PCDHGB4: variants seen among roughly 807,000 people sequenced by gnomAD.
PCDHGB4 encodes the protein protocadherin gamma-B4.
In PCDHGB4, 38 loss-of-function variants were observed where a neutral mutation model predicts 60.5. The ratio of observed to expected loss-of-function variants is 0.63; its 90% CI spans 0.48 to 0.82. The LOEUF (loss-of-function observed/expected upper bound fraction) is 0.82. Among genes scored for constraint, PCDHGB4 ranks in the 40% least tolerant of loss-of-function variants. The pLI, the probability that PCDHGB4 is intolerant of heterozygous loss-of-function variation, is 0.00. For missense variants in PCDHGB4, 1,109 were observed against 1,209.6 expected, an observed-to-expected ratio of 0.92 and a Z score of 1.23; for synonymous variants, 456 against 509.7, an observed-to-expected ratio of 0.89 and a Z score of 1.42.
chr5:141,487,181 C>T lies in PCDHGB4; in HGVS notation c.2398-7626C>T. 3 of 1,612,732 alleles carry T rather than the reference C, an allele frequency of 1.9e-6. No individual in the cohort carries two copies. The highest frequency in any genetic ancestry group is 1.1e-5 in the South Asian group (1 of 91,060). ...CTTAGTGTCCTTAGAGGAAGACACT[C>T]ATCCAGTTGTCCCAGATCTTCGAGA... On this transcript the variant is annotated intron_variant, in intron 1 of 3. Transcript: ENST00000519479. This position sits in a 1 kb window ranked among gnomAD's most constrained non-coding sequence, Gnocchi z 5.0.
intron 1 of PCDHGB4, chr5:141,393,324 CA>C (rs2092729145): frequency 6.2e-7 from 1 of 1,611,096 alleles, no homozygotes; most frequent in African/African-American, 1.4e-5. Context: ...CCAGAGCTAC[CA>C]GCTCAGCCCC....
At position 141,404,066 on chromosome 5, in the gene PCDHGB4, C is replaced by G. The variant is rs745515085; in HGVS notation, c.2397+13785C>G. The G allele has an allele frequency of 3.1e-6, 5 of 1,613,776 alleles. No individual in the cohort carries two copies. The East Asian group carries it at 8.9e-5, about 29-fold the overall frequency. On this transcript the variant is annotated intron_variant, in intron 1 of 3. Transcript: ENST00000519479. ...AACAGTAATTCTTCTTTTCAATGCT[C>G]ATGACCGAGACTCCGGGAAGAATGG...
At chr5:141,398,928 T>C in intron 1 of PCDHGB4, 4 of 1,613,962 alleles carry the variant, frequency 2.5e-6, no homozygotes, top group Non-Finnish European at 3.4e-6. Flanking sequence ...TGTCAGCCAC[T>C]GACCAAGACG....
Position 141,489,331 on chromosome 5 carries a change from C to G in PCDHGB4, c.2398-5476C>G. ...CTGCTGGGGCTGGGTGTCTGGGCAG[C>G]TTCGTTACTCAGTGGTGGAGGAGTC... On this transcript the variant is annotated intron_variant, in intron 1 of 3. Coordinates refer to ENST00000519479, the MANE Select transcript of PCDHGB4 (RefSeq NM_003736.4). The surrounding 1 kb of genome is among the most constrained non-coding windows in gnomAD (Gnocchi z 4.5). 1 of 1,605,478 alleles carries G rather than the reference C, an allele frequency of 6.2e-7. No homozygotes were observed. Among genetic ancestry groups the G allele is most frequent in the Non-Finnish European group, 8.5e-7 (1 of 1,174,878 alleles).
At chr5:141,428,275 G>C in intron 1 of PCDHGB4, 1 of 767,218 alleles carries the variant, frequency 1.3e-6, no homozygotes, top group Non-Finnish European at 2.2e-6. Context: ...TGTGCCCTCT[G>C]ATTCCCAAGC....
intron 1 of PCDHGB4, among the ~76,000 whole-genome samples, chr5:141,452,199 G>T (rs2098736057): frequency 1.3e-5 from 2 of 151,778 alleles, no homozygotes; most frequent in African/African-American, 4.8e-5. Flanking sequence ...AATTGTTTTA[G>T]ATGTTACCAA....
chr5:141,456,872 A>C (rs1003618586), intron 1 of PCDHGB4, among the ~76,000 whole-genome samples: 2 of 152,152 alleles, frequency 1.3e-5, no homozygotes, highest in African/African-American at 4.8e-5. Context: ...CTGAGGCAGG[A>C]GAATCGCTTG....
At position 141,432,999 on chromosome 5, in the gene PCDHGB4, A is replaced by G. The variant is rs745921704; in HGVS notation, c.2397+42718A>G. The G allele has an allele frequency of 1.1e-5, 17 of 1,614,046 alleles. No individual in the cohort carries two copies. Among genetic ancestry groups the G allele is most frequent in the East Asian group, 4.5e-5 (2 of 44,862 alleles). On this transcript the variant is annotated intron_variant, in intron 1 of 3. Coordinates refer to ENST00000519479, the MANE Select transcript of PCDHGB4 (RefSeq NM_003736.4). This position sits in a 1 kb window ranked among gnomAD's most constrained non-coding sequence, Gnocchi z 6.0. ...CACTTTGTGGGCGTGGACGGGGTGC[A>G]GGCTTTCCTGCAGACCTATTCCCAC...
intron 1 of PCDHGB4, among the ~76,000 whole-genome samples, chr5:141,462,442 A>C (rs890167032): frequency 1.3e-5 from 2 of 152,150 alleles, no homozygotes; most frequent in African/African-American, 4.8e-5. Context: ...GCTTACACAC[A>C]ACTGTGTAAC....
chr5:141,429,741 C>T (rs2097240604), intron 1 of PCDHGB4, among the ~76,000 whole-genome samples: 1 of 152,106 alleles, frequency 6.6e-6, no homozygotes, highest in Admixed American at 6.5e-5. Flanking sequence ...CCAGTTATTT[C>T]TTAGGGAGAA....
At chr5:141,409,752 A>T in intron 1 of PCDHGB4, 3 of 1,613,020 alleles carry the variant, frequency 1.9e-6, no homozygotes, top group Non-Finnish European at 2.5e-6. Context: ...GTGTTCGCGC[A>T]GCGCGCCTTT....
chr5:141,408,013 CCA>C, intron 1 of PCDHGB4: 1 of 989,288 alleles, frequency 1.0e-6, no homozygotes, highest in Non-Finnish European at 1.4e-6. Flanking sequence ...CCCTGCGCAG[CCA>C]ACAACAGAAA....
At chr5:141,429,657 A>G (rs1455808092) in intron 1 of PCDHGB4, among the ~76,000 whole-genome samples, 1 of 152,232 alleles carries the variant, frequency 6.6e-6, no homozygotes, top group African/African-American at 2.4e-5. Flanking sequence ...TTCCCAATTT[A>G]AAATATATTA....
intron 1 of PCDHGB4, among the ~76,000 whole-genome samples, chr5:141,443,727 A>T: frequency 6.6e-6 from 1 of 152,220 alleles, no homozygotes; most frequent in Non-Finnish European, 1.5e-5. Context: ...AATTCCTCAT[A>T]CATTTCCCTA....
At chr5:141,414,186 G>C in intron 1 of PCDHGB4, 1 of 1,609,824 alleles carries the variant, frequency 6.2e-7, no homozygotes, top group Non-Finnish European at 8.5e-7. Context: ...CTGCAAAAGT[G>C]TTGATTACAG....
In PCDHGB4 at chr5:141,390,278, T is replaced by A. The variant is rs559321936; in HGVS notation, c.2394T>A (p.His798Gln). ...GTAATTCCAGTGAATTGACTTCCCA[T>A]CAGGTGAGTTTCCTTTAAGTATAAT... Reference protein sequence around the residue: ...PLCNSSELTSHQQAPPNTDWR... With the variant: ...PLCNSSELTSQQQAPPNTDWR... The change falls in exon 1 of 4, where the codon CAT becomes CAA. Residue 798 changes from histidine (H) to glutamine (Q), a missense_variant. His to Gln is a conservative substitution (Grantham distance 24, BLOSUM62 0). This residue lies in a region of PCDHGB4 where 1,068 missense variants were observed against 1,089.9 expected (regional missense o/e 0.98). Coordinates refer to ENST00000519479, the MANE Select transcript of PCDHGB4 (RefSeq NM_003736.4). 1.9e-6 allele frequency: 3 copies of A among 1,614,028 alleles called. No homozygotes were observed. Among genetic ancestry groups the A allele is most frequent in the Admixed American group, 1.7e-5 (1 of 60,016 alleles).
In PCDHGB4 at chr5:141,489,184, G is replaced by T; in HGVS notation, c.2398-5623G>T. ...TCAGCTGCTGCATTCCAAGCCCTGG[G>T]TCTACCTTGGAGACAGGACAGCACA... On this transcript the variant is annotated intron_variant, in intron 1 of 3. Transcript: ENST00000519479. This position sits in a 1 kb window ranked among gnomAD's most constrained non-coding sequence, Gnocchi z 4.5. 7.8e-7 allele frequency: 1 copy of T among 1,287,330 alleles called. No homozygotes were observed. Among genetic ancestry groups the T allele is most frequent in the Non-Finnish European group, 1.1e-6 (1 of 928,816 alleles). 79.7% of individuals were successfully genotyped at this position (1,287,330 alleles called of 1,614,324 possible).
intron 1 of PCDHGB4, chr5:141,392,764 C>T (rs1589161528): frequency 1.4e-6 from 2 of 1,480,722 alleles, no homozygotes; most frequent in South Asian, 2.8e-5. Context: ...CTAAATAAGA[C>T]CCATTTATGC....
At chr5:141,482,530 C>CAAAAAA (rs3074545) in intron 1 of PCDHGB4, among the ~76,000 whole-genome samples, 68 of 76,370 alleles carry the variant, frequency 8.9e-4, no homozygotes, top group African/African-American at 1.2e-3. Context: ...GACAGACATG[C>CAAAAAA]AAAAAAAAAA....
Sources: gnomAD v4.1 joint callset for allele counts (sites outside exome capture counted in the v4.1 genomes callset) on GRCh38, gnomAD v4.1.1 for gene constraint, gnomAD v4.1.1 regional missense constraint, Gnocchi (gnomAD v3.1) non-coding constraint, MANE v1.5 for transcripts, NCBI Gene and HGNC (gene_info 2026-07-23, HGNC 2026-07-21) for gene names.